NR2F1-AS1: variants seen among roughly 807,000 people sequenced by gnomAD.
The protein encoded by NR2F1-AS1 is NR2F1 antisense RNA 1.
intron 4 of NR2F1-AS1, among the ~76,000 whole-genome samples, chr5:93,513,037 C>G (rs1580291690): frequency 6.6e-6 from 1 of 152,024 alleles, no homozygotes; most frequent in East Asian, 1.9e-4. Flanking sequence ...TGTAGACATA[C>G]AAGCAGCCAA....
chr5:93,412,428 T>C (rs1176639272), intron 4 of NR2F1-AS1, among the ~76,000 whole-genome samples: 1 of 152,180 alleles, frequency 6.6e-6, no homozygotes, highest in African/African-American at 2.4e-5. Flanking sequence ...TACTGTAACC[T>C]TCAACCCATC....
At chr5:93,517,268 T>A (rs1428711802) in intron 4 of NR2F1-AS1, among the ~76,000 whole-genome samples, 1 of 151,876 alleles carries the variant, frequency 6.6e-6, no homozygotes, top group African/African-American at 2.4e-5. Flanking sequence ...CATTGTAGAG[T>A]AGAGCCTTGG....
intron 4 of NR2F1-AS1, among the ~76,000 whole-genome samples, chr5:93,490,398 A>G (rs1246316144): frequency 6.6e-6 from 1 of 152,184 alleles, no homozygotes; most frequent in African/African-American, 2.4e-5. Context: ...GAAGAAAGGG[A>G]GGTGGTAATG....
chr5:93,454,875 T>C (rs1204435987), intron 4 of NR2F1-AS1, among the ~76,000 whole-genome samples: 2 of 152,256 alleles, frequency 1.3e-5, no homozygotes, highest in Admixed American at 6.5e-5. Context: ...CCATGGAAGC[T>C]CTATGCCTCT....
intron 2 of NR2F1-AS1, among the ~76,000 whole-genome samples, chr5:93,562,632 A>G (rs946877087): frequency 6.6e-6 from 1 of 152,218 alleles, no homozygotes; most frequent in Admixed American, 6.5e-5. Flanking sequence ...AACAGCAAGG[A>G]AAAATTAAAT....
intron 1 of NR2F1-AS1, among the ~76,000 whole-genome samples, chr5:93,564,592 G>T (rs982472718): frequency 1.3e-5 from 2 of 152,090 alleles, no homozygotes; most frequent in Non-Finnish European, 2.9e-5. Flanking sequence ...TGGCATATTG[G>T]CTACTGAATA....
rs74352819 is a variant in NR2F1-AS1 at position 93,426,583 on chromosome 5, T to G, written n.639-31041A>C. Reference sequence around the variant, plus strand: ...TTGTGCATATCTCTGCACTACTTTTTTCATCCATACAATTATCTGTGTTGC... The same window carrying G: ...TTGTGCATATCTCTGCACTACTTTTGTCATCCATACAATTATCTGTGTTGC... On this transcript the variant is annotated intron_variant and non_coding_transcript_variant, in intron 4 of 5. Transcript: ENST00000660523. Among the ~76,000 whole-genome samples the G allele has an allele frequency of 1.1e-3, 169 of 152,332 alleles. 1 individual carries two copies. The highest frequency in any genetic ancestry group is 3.7e-3 in the African/African-American group (153 of 41,566).
intron 4 of NR2F1-AS1, among the ~76,000 whole-genome samples, chr5:93,547,533 A>G (rs966429438): frequency 3.9e-5 from 6 of 152,224 alleles, no homozygotes; most frequent in African/African-American, 1.4e-4. Flanking sequence ...ATTATCTATA[A>G]TATCAACAGC....
chr5:93,474,160 T>G (rs1474683789), intron 4 of NR2F1-AS1, among the ~76,000 whole-genome samples: 2 of 152,196 alleles, frequency 1.3e-5, no homozygotes, highest in Non-Finnish European at 2.9e-5. Flanking sequence ...TCAGGCACTT[T>G]GTATACAAAA....
intron 4 of NR2F1-AS1, among the ~76,000 whole-genome samples, chr5:93,441,140 G>T (rs1336413740): frequency 6.6e-6 from 1 of 152,170 alleles, no homozygotes; most frequent in East Asian, 1.9e-4. Context: ...AGAGTTGAAT[G>T]TAATCTCTAC....
At chr5:93,540,364 A>G (rs934007480) in intron 4 of NR2F1-AS1, among the ~76,000 whole-genome samples, 5 of 152,178 alleles carry the variant, frequency 3.3e-5, no homozygotes, top group African/African-American at 1.2e-4. Context: ...TTCTCCAAAA[A>G]GATGTTTCTG....
chr5:93,523,196 G>A (rs1415881856), intron 4 of NR2F1-AS1, among the ~76,000 whole-genome samples: 1 of 152,104 alleles, frequency 6.6e-6, no homozygotes, highest in East Asian at 1.9e-4. Context: ...GGATTGAGTA[G>A]GCAGTTTTCC....
At chr5:93,553,828 T>C (rs1580327954) in exon 4 of NR2F1-AS1, 1 of 152,244 alleles carries the variant, frequency 6.6e-6, no homozygotes, top group East Asian at 1.9e-4. Context: ...TAGCCAATTC[T>C]ATTGCCAAAG....
rs1397880680 is a variant in NR2F1-AS1 at position 93,450,926 on chromosome 5, A to C, written n.639-55384T>G. On this transcript the variant is annotated intron_variant and non_coding_transcript_variant, in intron 4 of 5. Transcript: ENST00000660523. ...CAAGAATCTGCTTCAAAAAAAAAAAAAAAAAAAAAAAAACAGAGAGAGAGA... is the reference window on the plus strand; with the variant it reads ...CAAGAATCTGCTTCAAAAAAAAAAACAAAAAAAAAAAAACAGAGAGAGAGA... Among the ~76,000 whole-genome samples, 4 of 151,402 alleles carry C rather than the reference A, an allele frequency of 2.6e-5. No individual in the cohort carries two copies. The South Asian group carries it at 6.2e-4, about 24-fold the overall frequency.
At chr5:93,428,906 G>A (rs1749249854) in intron 4 of NR2F1-AS1, among the ~76,000 whole-genome samples, 1 of 152,152 alleles carries the variant, frequency 6.6e-6, no homozygotes, top group African/African-American at 2.4e-5. Flanking sequence ...AATTCTCTCT[G>A]TGGCTTTGAA....
At chr5:93,528,903 G>C (rs987468761) in intron 4 of NR2F1-AS1, among the ~76,000 whole-genome samples, 10 of 151,894 alleles carry the variant, frequency 6.6e-5, no homozygotes, top group Admixed American at 3.3e-4. Context: ...TCTCGGGGGT[G>C]GGGGGCTAGG....
At chr5:93,480,075 G>A (rs1174020776) in intron 4 of NR2F1-AS1, among the ~76,000 whole-genome samples, 1 of 151,964 alleles carries the variant, frequency 6.6e-6, no homozygotes, top group African/African-American at 2.4e-5. Context: ...CACATTATGG[G>A]TTACAGAAAC....
chr5:93,420,009 C>T (rs1052078961), intron 4 of NR2F1-AS1, among the ~76,000 whole-genome samples: 1 of 152,042 alleles, frequency 6.6e-6, no homozygotes, highest in Non-Finnish European at 1.5e-5. Context: ...CAAGCCTGAC[C>T]AACAGGTGAA....
intron 4 of NR2F1-AS1, among the ~76,000 whole-genome samples, chr5:93,526,564 C>T (rs962823394): frequency 2.1e-4 from 32 of 152,054 alleles, no homozygotes; most frequent in African/African-American, 6.8e-4. Flanking sequence ...TTCAGGCCAA[C>T]ATCCCTGATG....
Sources: gnomAD v4.1 joint callset for allele counts (sites outside exome capture counted in the v4.1 genomes callset) on GRCh38, gnomAD v4.1.1 for gene constraint, MANE v1.5 for transcripts, NCBI Gene and HGNC (gene_info 2026-07-23, HGNC 2026-07-21) for gene names.